The following UGT1A8 variants were observed in gnomAD, a reference collection of about 807,000 sequenced individuals.
The protein encoded by UGT1A8 is UDP glucuronosyltransferase family 1 member A8.
A neutral mutation model predicts 45.3 loss-of-function variants in UGT1A8; 39 were observed. That is an observed-to-expected ratio of 0.86 (90% CI 0.67 to 1.12). UGT1A8 has a LOEUF of 1.12. Among genes scored for constraint, UGT1A8 ranks in the 50% most tolerant of loss-of-function variants. The pLI, the probability that UGT1A8 is intolerant of heterozygous loss-of-function variation, is 0.00. For missense variants in UGT1A8, 719 were observed against 664.9 expected, an observed-to-expected ratio of 1.08 and a Z score of -0.90; for synonymous variants, 275 against 249.2, an observed-to-expected ratio of 1.10 and a Z score of -0.97.
chr2:233,747,722 G>T (rs554726929), intron 1 of UGT1A8: 13 of 1,612,764 alleles, frequency 8.1e-6, no homozygotes, highest in South Asian at 3.3e-5. Context: ...TTCCTGCTGT[G>T]TTTTTTTTGA....
At chr2:233,713,510 G>A (rs956773418) in intron 1 of UGT1A8, 1 of 1,613,794 alleles carries the variant, frequency 6.2e-7, no homozygotes, top group African/African-American at 1.3e-5. Flanking sequence ...TGTTTTTCTT[G>A]AGGAACATTC....
chr2:233,744,844 A>C (rs1390116888), intron 1 of UGT1A8, among the ~76,000 whole-genome samples: 1 of 151,966 alleles, frequency 6.6e-6, no homozygotes, highest in African/African-American at 2.4e-5. Context: ...AGTCTAGCAG[A>C]GTAGTCCTTG....
chr2:233,638,098 G>A (rs2073350042), intron 1 of UGT1A8, among the ~76,000 whole-genome samples: 1 of 152,102 alleles, frequency 6.6e-6, no homozygotes, highest in South Asian at 2.1e-4. Flanking sequence ...AGTCCTACAC[G>A]TAGGGTTACA....
intron 1 of UGT1A8, among the ~76,000 whole-genome samples, chr2:233,628,926 A>G (rs1440642316): frequency 6.6e-6 from 1 of 152,102 alleles, no homozygotes. Flanking sequence ...TAATTGATTT[A>G]TAAAATTATT....
chr2:233,681,187 C>T lies in UGT1A8; in HGVS notation c.855+62625C>T, dbSNP rs1386854804. On this transcript the variant is annotated intron_variant, in intron 1 of 4. Coordinates refer to ENST00000373450, the MANE Select transcript of UGT1A8 (RefSeq NM_019076.5). ...AACGCTAAGACCCTTGCTCTCTTTC[C>T]GTCGAACATGAGATGCCAATTTCTT... 5.3e-5 allele frequency among the ~76,000 whole-genome samples: 8 copies of T among 151,936 alleles called. No individual in the cohort carries two copies. In the East Asian group the frequency reaches 7.9e-4, roughly 15 times the overall value.
At chr2:233,743,262 C>T (rs764022501) in intron 1 of UGT1A8, 18 of 451,920 alleles carry the variant, frequency 4.0e-5, no homozygotes, top group Non-Finnish European at 7.5e-5. Context: ...CTCCATCTTC[C>T]TCCACTTCCA....
Position 233,687,583 on chromosome 2 carries a change from T to TA in UGT1A8, c.855+69045dup, listed in dbSNP as rs71398794. Among the ~76,000 whole-genome samples the TA allele has an allele frequency of 9.1e-3, 974 of 107,020 alleles. 5 individuals carry two copies. Among genetic ancestry groups the TA allele is most frequent in the East Asian group, 0.026 (90 of 3,434 alleles). 70.2% of individuals were successfully genotyped at this position (107,020 alleles called of 152,430 possible). A position where few individuals can be genotyped will look rare whatever the true frequency, so the allele number is the denominator to read the frequency against. ...AGAATTCAAGACCATACATTCTTTGTAAAAAAAAAAAAAAAAAAAAAAAAG... is the reference window on the plus strand; with the variant it reads ...AGAATTCAAGACCATACATTCTTTGTAAAAAAAAAAAAAAAAAAAAAAAAAG... On this transcript the variant is annotated intron_variant, in intron 1 of 4. Transcript: ENST00000373450.
intron 1 of UGT1A8, among the ~76,000 whole-genome samples, chr2:233,625,770 T>G (rs992416524): frequency 1.3e-5 from 2 of 151,568 alleles, no homozygotes; most frequent in Admixed American, 6.6e-5. Context: ...ATGGCAACAA[T>G]AGACACTATG....
intron 1 of UGT1A8, among the ~76,000 whole-genome samples, chr2:233,658,520 G>A (rs546393413): frequency 6.6e-6 from 1 of 152,308 alleles, no homozygotes; most frequent in Non-Finnish European, 1.5e-5. Context: ...CCTGTACCGT[G>A]TGACAGTTTT....
chr2:233,729,723 A>C (rs563184062), intron 1 of UGT1A8: 21 of 1,613,942 alleles, frequency 1.3e-5, no homozygotes, highest in Non-Finnish European at 1.7e-5. Flanking sequence ...GATTACTAAC[A>C]ACCAATTCAG....
In UGT1A8 at chr2:233,725,203, CAGA is replaced by C. The variant is rs1559370309; in HGVS notation, c.856-41830_856-41828del. On this transcript the variant is annotated intron_variant, in intron 1 of 4. Transcript: ENST00000373450. The stretch of plus-strand genomic sequence containing the variant: ...GGAGAGGCAGAGGCAGAGGCAGAGG[CAGA>C]GGCAGAGGCAGAGGAGGCAGAGGCA... Among the ~76,000 whole-genome samples, 4 of 83,028 alleles carry C rather than the reference CAGA, an allele frequency of 4.8e-5. 1 individual carries two copies. The highest frequency in any genetic ancestry group is 4.2e-5 in the Non-Finnish European group (2 of 47,892). 54.5% of individuals were successfully genotyped at this position (83,028 alleles called of 152,430 possible). A position where few individuals can be genotyped will look rare whatever the true frequency, so the allele number is the denominator to read the frequency against.
chr2:233,667,896 G>A (rs894133182), intron 1 of UGT1A8, among the ~76,000 whole-genome samples: 1 of 152,206 alleles, frequency 6.6e-6, no homozygotes, highest in Non-Finnish European at 1.5e-5. Context: ...GTGCTGTAGA[G>A]GATGTGGAGA....
chr2:233,650,635 A>G (rs1201167980), intron 1 of UGT1A8, among the ~76,000 whole-genome samples: 3 of 152,182 alleles, frequency 2.0e-5, no homozygotes, highest in South Asian at 2.1e-4. Flanking sequence ...TTTTTAAAGC[A>G]TCAGTGATTT....
chr2:233,772,801 T>A lies in UGT1A8; in HGVS notation c.*242T>A. ...CTTTGATCAGGATGACATGTGCCATTTTTCAGAGGACGTGCAGACAGGCTG... is the reference window on the plus strand; with the variant it reads ...CTTTGATCAGGATGACATGTGCCATATTTCAGAGGACGTGCAGACAGGCTG... On this transcript the variant is annotated 3_prime_UTR_variant, in exon 5 of 5. Coordinates refer to ENST00000373450, the MANE Select transcript of UGT1A8 (RefSeq NM_019076.5). The A allele has an allele frequency of 2.6e-6, 3 of 1,145,220 alleles. No homozygotes were observed. Among genetic ancestry groups the A allele is most frequent in the South Asian group, 3.5e-5 (2 of 57,704 alleles). 70.9% of individuals were successfully genotyped at this position (1,145,220 alleles called of 1,614,324 possible).
At chr2:233,630,483 C>A (rs961014349) in intron 1 of UGT1A8, among the ~76,000 whole-genome samples, 1 of 152,114 alleles carries the variant, frequency 6.6e-6, no homozygotes, top group East Asian at 1.9e-4. Flanking sequence ...TTTCTTTGTG[C>A]AGGGCTGCAT....
At chr2:233,732,782 G>A (rs1439304470) in intron 1 of UGT1A8, among the ~76,000 whole-genome samples, 1 of 126,430 alleles carries the variant, frequency 7.9e-6, no homozygotes, top group East Asian at 2.4e-4. Context: ...GCTTAGGATT[G>A]TCTTGGCAAT....
At chr2:233,711,340 A>C (rs2076174915) in intron 1 of UGT1A8, among the ~76,000 whole-genome samples, 1 of 152,198 alleles carries the variant, frequency 6.6e-6, no homozygotes, top group Non-Finnish European at 1.5e-5. Flanking sequence ...CTGCATGGAG[A>C]TAGAACAGGG....
chr2:233,731,513 C>A (rs972587345), intron 1 of UGT1A8, among the ~76,000 whole-genome samples: 1 of 152,148 alleles, frequency 6.6e-6, no homozygotes, highest in Non-Finnish European at 1.5e-5. Flanking sequence ...CAGTTCCCAC[C>A]TATGAGTGAG....
At chr2:233,718,793 C>T in intron 1 of UGT1A8, 2 of 1,613,146 alleles carry the variant, frequency 1.2e-6, no homozygotes, top group Non-Finnish European at 1.7e-6. Flanking sequence ...GTGGGGTGGA[C>T]AGTCAGCTGT....
Sources: allele counts gnomAD v4.1 joint callset (sites outside exome capture counted in the v4.1 genomes callset), GRCh38; gene constraint gnomAD v4.1.1; transcripts MANE v1.5; gene names NCBI Gene and HGNC (gene_info 2026-07-23, HGNC 2026-07-21).